Variants in SPATA24 observed in about 807,000 individuals in gnomAD.
SPATA24 encodes the protein spermatogenesis-associated protein 24.
A neutral mutation model predicts 28.9 loss-of-function variants in SPATA24; 21 were observed. That is an observed-to-expected ratio of 0.73 (90% CI 0.52 to 1.05). The LOEUF (loss-of-function observed/expected upper bound fraction) is 1.05. SPATA24 is among the 50% of genes least tolerant of loss of function. The pLI is 0.00. For missense variants in SPATA24, 215 were observed against 242.9 expected (o/e 0.88, Z 0.76); for synonymous variants, 76 against 89.9 (o/e 0.85, Z 0.88).
In SPATA24 at chr5:139,404,062, T is replaced by C; in HGVS notation, c.-2A>G. On this transcript the variant is annotated 5_prime_UTR_variant, in exon 1 of 6. Coordinates refer to ENST00000450845, the MANE Select transcript of SPATA24 (RefSeq NM_194296.2). Reference sequence around the variant, plus strand: ...CGACCACCCGAGGGGCGTCGCCATCTTCCGCCCCCGCCAGCTAGTTGGAAA... The same window carrying C: ...CGACCACCCGAGGGGCGTCGCCATCCTCCGCCCCCGCCAGCTAGTTGGAAA... 1 of 1,550,722 alleles carries C rather than the reference T, an allele frequency of 6.4e-7. No homozygotes were observed. Among genetic ancestry groups the C allele is most frequent in the Non-Finnish European group, 8.7e-7 (1 of 1,146,396 alleles).
chr5:139,393,157 C>G (rs960981866), downstream of SPATA24: 1 of 1,546,692 alleles, frequency 6.5e-7, no homozygotes, highest in Non-Finnish European at 8.7e-7. Flanking sequence ...GCCTTGTGCT[C>G]CTGCCGGGAA....
downstream of SPATA24, chr5:139,393,157 C>T (rs960981866): frequency 3.9e-6 from 6 of 1,546,574 alleles, no homozygotes; most frequent in African/African-American, 1.4e-5. Context: ...GCCTTGTGCT[C>T]CTGCCGGGAA....
downstream of SPATA24, chr5:139,394,268 C>A (rs1352658447): frequency 3.2e-6 from 5 of 1,543,212 alleles, no homozygotes; most frequent in Non-Finnish European, 4.4e-6. Context: ...CCCGTGGACC[C>A]GAAGGTGGCG....
downstream of SPATA24, chr5:139,396,334 A>T (rs1250526610): frequency 5.1e-6 from 5 of 985,288 alleles, no homozygotes; most frequent in African/African-American, 8.7e-5. Flanking sequence ...AACCACACAC[A>T]GCATTGTCTT....
downstream of SPATA24, chr5:139,395,153 C>T (rs1758677026): frequency 1.5e-6 from 2 of 1,339,796 alleles, no homozygotes; most frequent in African/African-American, 3.1e-5. Context: ...TGTCCCCGCC[C>T]CGCCCGAGGA....
downstream of SPATA24, chr5:139,396,252 C>G: frequency 1.0e-6 from 1 of 985,424 alleles, no homozygotes; most frequent in Non-Finnish European, 1.2e-6. Context: ...TGTTGCTGCT[C>G]CATCCCATCC....
At chr5:139,393,330 T>C (rs1215321125), downstream of SPATA24, 22 of 1,551,162 alleles carry the variant, frequency 1.4e-5, no homozygotes, top group Non-Finnish European at 1.9e-5. Flanking sequence ...CGGGTGCTGC[T>C]ACCTCTGGGG....
chr5:139,393,574 G>T, downstream of SPATA24: 3 of 1,551,078 alleles, frequency 1.9e-6, no homozygotes, highest in Non-Finnish European at 2.6e-6. Flanking sequence ...AGCCTCCCAC[G>T]GGAAGAAGGC....
chr5:139,397,218 C>G, intron 4 of SPATA24, 75 bp from the exon 5 acceptor site: 1 of 1,177,868 alleles, frequency 8.5e-7, no homozygotes, highest in Non-Finnish European at 1.2e-6. Context: ...CATTCCCTCA[C>G]GGGGCTTTTC....
chr5:139,403,958 G>C lies in SPATA24; in HGVS notation c.103C>G (p.Gln35Glu). ...TGGCTGCATACCACGTTCCTCAGCTGGTGGATTAGTTCCTCCTGAGACTCA... is the reference window on the plus strand; with the variant it reads ...TGGCTGCATACCACGTTCCTCAGCTCGTGGATTAGTTCCTCCTGAGACTCA... ...VIESQEELIH[Q>E]LRNVMVLQDE... Residue 35 changes from glutamine (Q) to glutamate (E), a missense_variant, in exon 1 of 6, where the codon CAG becomes GAG. Gln to Glu is a conservative substitution (Grantham distance 29). Transcript: ENST00000450845. 1 of 1,551,570 alleles carries C rather than the reference G, an allele frequency of 6.4e-7. No individual in the cohort carries two copies. Among genetic ancestry groups the C allele is most frequent in the Non-Finnish European group, 8.7e-7 (1 of 1,146,846 alleles).
At chr5:139,397,448 C>T (rs767946743) in intron 4 of SPATA24, among the ~76,000 whole-genome samples, 7 of 152,178 alleles carry the variant, frequency 4.6e-5, no homozygotes, top group Non-Finnish European at 1.0e-4. Context: ...ATGGCGCCTG[C>T]CCTCAACTCC....
In SPATA24 at chr5:139,396,926, A is replaced by T; in HGVS notation, c.492T>A (p.Asn164Lys). Residue 164 changes from asparagine to lysine, a missense_variant, in exon 6 of 6, where the codon AAT (asparagine) becomes AAA (lysine). Coordinates refer to ENST00000450845, the MANE Select transcript of SPATA24 (RefSeq NM_194296.2). The stretch of plus-strand genomic sequence containing the variant: ...TCTGGATCCGGAAGTCAGACATGTG[A>T]TTCCTGCAACGGAGCCGGCTGGTGG... ...VISQQKQIFR[N>K]HMSDFRIQKQ... 1.3e-6 allele frequency: 2 copies of T among 1,551,644 alleles called. No individual in the cohort carries two copies. The highest frequency in any genetic ancestry group is 1.7e-6 in the Non-Finnish European group (2 of 1,146,974).
downstream of SPATA24, chr5:139,395,573 G>A (rs971569914): frequency 6.4e-6 from 1 of 156,144 alleles, no homozygotes; most frequent in Non-Finnish European, 1.4e-5. Flanking sequence ...ATCACTGCAG[G>A]GGACCCCCAT....
At chr5:139,392,824 G>C, downstream of SPATA24, 1 of 1,522,202 alleles carries the variant, frequency 6.6e-7, no homozygotes, top group East Asian at 2.5e-5. The surrounding 1 kb of genome is among the most constrained non-coding windows in gnomAD (Gnocchi z 5.8). Flanking sequence ...AGGGCCGCGC[G>C]CTCGCACTCG....
intron 4 of SPATA24, among the ~76,000 whole-genome samples, chr5:139,398,856 T>G (rs1201950946): frequency 8.9e-6 from 1 of 111,980 alleles, no homozygotes; most frequent in Non-Finnish European, 1.7e-5. Flanking sequence ...AAACCCCGTC[T>G]CTACTAAAAA....
downstream of SPATA24, chr5:139,392,909 C>T (rs1174046270): frequency 2.6e-6 from 4 of 1,537,338 alleles, no homozygotes; most frequent in African/African-American, 2.8e-5. The surrounding 1 kb of genome is among the most constrained non-coding windows in gnomAD (Gnocchi z 5.8). Flanking sequence ...AAGGGCTTCG[C>T]CGTGCTGTTC....
At chr5:139,392,713 G>C (rs1758619335), downstream of SPATA24, 21 of 1,400,736 alleles carry the variant, frequency 1.5e-5, no homozygotes, top group East Asian at 2.9e-5. The surrounding 1 kb of genome is among the most constrained non-coding windows in gnomAD (Gnocchi z 5.8). Context: ...TGGCCCTACG[G>C]GGGAGCGCTG....
At chr5:139,396,532 A>G (rs1758709950), downstream of SPATA24, 2 of 1,272,434 alleles carry the variant, frequency 1.6e-6, no homozygotes, top group Non-Finnish European at 2.0e-6. Context: ...GGGAAGTTAA[A>G]TTTACCAGGA....
rs141699625 is a variant in SPATA24 at position 139,402,704 on chromosome 5, G to A, written c.118-11C>T. 986 of 1,551,528 alleles carry A rather than the reference G, an allele frequency of 6.4e-4. 6 individuals are homozygous for A. The African/African-American group carries it at 0.012, about 18-fold the overall frequency. ...GTCCTGGAGAACCATCTGCAACAGA[G>A]CCTGGCTGAGGGAGGGCCTGGGGCT... On this transcript the variant is annotated splice_polypyrimidine_tract_variant and intron_variant, in intron 1 of 5. Transcript: ENST00000450845.
Sources: gnomAD v4.1 joint callset for allele counts (sites outside exome capture counted in the v4.1 genomes callset) on GRCh38, gnomAD v4.1.1 for gene constraint, Gnocchi (gnomAD v3.1) non-coding constraint, MANE v1.5 for transcripts, NCBI Gene and HGNC (gene_info 2026-07-23, HGNC 2026-07-21) for gene names.